Variants in BTBD7 observed in about 807,000 individuals in gnomAD.
BTBD7 encodes BTB domain containing 7.
BTBD7 carries 38 observed loss-of-function variants against 99.9 expected under a neutral mutation model. That is an observed-to-expected ratio of 0.38 (90% CI 0.29 to 0.50). The LOEUF (loss-of-function observed/expected upper bound fraction) is 0.50, where lower values mean the gene tolerates loss of function less well. Among genes scored for constraint, BTBD7 ranks in the 20% least tolerant of loss-of-function variants. The pLI is 0.93. For synonymous variants in BTBD7, 520 were observed against 511.4 expected, an observed-to-expected ratio of 1.02 and a Z score of -0.23; for missense variants, 1,170 against 1,394.6, an observed-to-expected ratio of 0.84 and a Z score of 2.57.
chr14:93,257,478 A>C, intron 5 of BTBD7, 123 bp from the exon 6 acceptor site: 1 of 805,940 alleles, frequency 1.2e-6, no homozygotes, highest in Non-Finnish European at 1.8e-6. Flanking sequence ...TGCTTTAAAA[A>C]GGGTTATAAA....
chr14:93,243,169 C>T (rs1778224603), intron 10 of BTBD7, 81 bp from the exon 11 acceptor site: 8 of 1,310,732 alleles, frequency 6.1e-6, no homozygotes, highest in Non-Finnish European at 8.4e-6. Flanking sequence ...GATTTTGTTT[C>T]CCAATTATAA....
In BTBD7 at chr14:93,255,215, G is replaced by A. The variant is rs574196469; in HGVS notation, c.1609-1425C>T. Among the ~76,000 whole-genome samples the A allele has an allele frequency of 5.9e-5, 9 of 152,252 alleles. No homozygotes were observed. The East Asian group carries it at 1.7e-3, about 29-fold the overall frequency. ...GGCTGGAGGGCAATGGCGAGATCTT[G>A]GCTCACTGCAACCTCTGCCTCCTGG... On this transcript the variant is annotated intron_variant, in intron 6 of 10. Coordinates refer to ENST00000334746, the MANE Select transcript of BTBD7 (RefSeq NM_001002860.4).
At chr14:93,244,586 T>C (rs1391686227) in intron 10 of BTBD7, among the ~76,000 whole-genome samples, 1 of 152,010 alleles carries the variant, frequency 6.6e-6, no homozygotes, top group Non-Finnish European at 1.5e-5. Flanking sequence ...GAGGCGGAGA[T>C]TGCAGTGAGC....
Position 93,329,259 on chromosome 14 carries a change from T to C in BTBD7, c.-107+3561A>G, listed in dbSNP as rs1595347837. On this transcript the variant is annotated intron_variant, in intron 1 of 10. Coordinates refer to ENST00000334746, the MANE Select transcript of BTBD7 (RefSeq NM_001002860.4). ...AAAATACAAAAGATCAATAAGCACATGAAAAGATGCTTAACATCACCAATC... is the reference window on the plus strand; with the variant it reads ...AAAATACAAAAGATCAATAAGCACACGAAAAGATGCTTAACATCACCAATC... Among the ~76,000 whole-genome samples, 4 of 151,846 alleles carry C rather than the reference T, an allele frequency of 2.6e-5. No homozygotes were observed. In the East Asian group the frequency reaches 7.7e-4, roughly 29 times the overall value.
intron 1 of BTBD7, among the ~76,000 whole-genome samples, chr14:93,328,868 A>G (rs1040495223): frequency 3.9e-5 from 6 of 152,156 alleles, no homozygotes; most frequent in African/African-American, 1.4e-4. Flanking sequence ...TGTGAGCCAT[A>G]ATCACACTAG....
intron 1 of BTBD7, among the ~76,000 whole-genome samples, chr14:93,300,598 C>T (rs1478160542): frequency 5.3e-5 from 8 of 151,182 alleles, no homozygotes; most frequent in East Asian, 3.9e-4. Flanking sequence ...CCCAGCTAGA[C>T]GTGCATGGCT....
At chr14:93,325,511 C>A (rs929372742) in intron 1 of BTBD7, among the ~76,000 whole-genome samples, 89 of 152,246 alleles carry the variant, frequency 5.8e-4, no homozygotes, top group African/African-American at 1.9e-3. Context: ...GTTGCAGAGA[C>A]TTAGCTGGCA....
At chr14:93,282,333 T>G (rs1229120054) in intron 3 of BTBD7, among the ~76,000 whole-genome samples, 1 of 144,138 alleles carries the variant, frequency 6.9e-6, no homozygotes, top group Non-Finnish European at 1.5e-5. Flanking sequence ...CAATGCTTTT[T>G]TCTTTTTTTT....
chr14:93,290,314 G>A (rs1258654639), intron 3 of BTBD7, among the ~76,000 whole-genome samples: 1 of 150,260 alleles, frequency 6.7e-6, no homozygotes, highest in Non-Finnish European at 1.5e-5. Context: ...CTGGGTTCAC[G>A]CCATTCTCCT....
Position 93,294,953 on chromosome 14 carries a change from A to C in BTBD7, c.83-16T>G. The C allele has an allele frequency of 6.6e-7, 1 of 1,521,062 alleles. No homozygotes were observed. Among genetic ancestry groups the C allele is most frequent in the Non-Finnish European group, 8.8e-7 (1 of 1,141,676 alleles). The allele number at this position is 1,521,062 out of a possible 1,614,324, so 94.2% of individuals were successfully genotyped here. On this transcript the variant is annotated splice_polypyrimidine_tract_variant and intron_variant, in intron 2 of 10. Transcript: ENST00000334746. Reference sequence around the variant, plus strand: ...GATGAGGTCCCTAAGAAAAAAATTAAACAAATGAAAATTTATTTTTTCTTA... The same window carrying C: ...GATGAGGTCCCTAAGAAAAAAATTACACAAATGAAAATTTATTTTTTCTTA...
chr14:93,263,547 G>GAAA (rs2052511919), intron 4 of BTBD7, among the ~76,000 whole-genome samples: 1 of 152,150 alleles, frequency 6.6e-6, no homozygotes, highest in Admixed American at 6.5e-5. Context: ...ATCTCTTTTT[G>GAAA]GTGCATTTGG....
intron 1 of BTBD7, among the ~76,000 whole-genome samples, chr14:93,297,016 A>G (rs1334483660): frequency 6.6e-6 from 1 of 152,272 alleles, no homozygotes; most frequent in Non-Finnish European, 1.5e-5. Context: ...ATCTGGATAT[A>G]TAAAATCTAT....
intron 1 of BTBD7, among the ~76,000 whole-genome samples, chr14:93,307,499 C>T (rs2053085436): frequency 1.3e-5 from 2 of 152,268 alleles, no homozygotes; most frequent in South Asian, 4.1e-4. Context: ...TTGATTTCCT[C>T]ATATAGGTAC....
chr14:93,304,631 C>T (rs7146596), intron 1 of BTBD7, among the ~76,000 whole-genome samples: 6,325 of 152,224 alleles, frequency 0.042, 444 homozygotes, highest in African/African-American at 0.14. Context: ...GGATTACAGG[C>T]GTGAGCCACC....
chr14:93,309,574 A>C (rs1337047161), intron 1 of BTBD7, among the ~76,000 whole-genome samples: 1 of 151,942 alleles, frequency 6.6e-6, no homozygotes, highest in Non-Finnish European at 1.5e-5. Flanking sequence ...GGAAGCTGCC[A>C]CGTCTACCTC....
At position 93,243,013 on chromosome 14, in the gene BTBD7, T is replaced by G. The variant is rs757226675; in HGVS notation, c.2659A>C (p.Arg887=). ...GVSTLSLKDR[R]LPELAVDTEL... ...GTGTCTACAGCAAGCTCTGGAAGCC[T>G]CCTGTCCTTGAGTGACAGTGTGGAC... is the stretch of plus-strand genomic sequence containing the variant. Residue 887 remains arginine (R), a synonymous_variant, in exon 11 of 11, where the codon AGG becomes CGG. Transcript: ENST00000334746. 2 of 1,614,122 alleles carry G rather than the reference T, an allele frequency of 1.2e-6. No individual in the cohort carries two copies. The highest frequency in any genetic ancestry group is 1.3e-5 in the African/African-American group (1 of 75,024).
intron 3 of BTBD7, among the ~76,000 whole-genome samples, chr14:93,284,776 C>T (rs567603883): frequency 6.6e-6 from 1 of 152,010 alleles, no homozygotes; most frequent in African/African-American, 2.4e-5. Context: ...GGAAAGTAAG[C>T]ATGTGAGTTC....
chr14:93,274,731 C>A (rs1029202304), intron 3 of BTBD7, among the ~76,000 whole-genome samples: 2 of 152,112 alleles, frequency 1.3e-5, no homozygotes, highest in African/African-American at 2.4e-5. Context: ...AGTCCTTATA[C>A]GAGGCTCTAC....
chr14:93,259,035 T>G (rs2052460913), intron 5 of BTBD7, among the ~76,000 whole-genome samples: 3 of 152,226 alleles, frequency 2.0e-5, no homozygotes, highest in Non-Finnish European at 4.4e-5. Flanking sequence ...TACAATCGGT[T>G]CTTATTATCT....
Sources: allele counts gnomAD v4.1 joint callset (sites outside exome capture counted in the v4.1 genomes callset), GRCh38; gene constraint gnomAD v4.1.1; transcripts MANE v1.5; gene names NCBI Gene and HGNC (gene_info 2026-07-23, HGNC 2026-07-21).